Variants in ROBO2 observed in about 807,000 individuals in gnomAD.
The protein encoded by ROBO2 is roundabout homolog 2.
ROBO2 carries 53 observed loss-of-function variants against 160.8 expected under a neutral mutation model. The observed-to-expected ratio is 0.33, with a 90% CI of 0.26 to 0.41. ROBO2 has a LOEUF of 0.41. ROBO2 is among the 10% of genes least tolerant of loss of function. The pLI is 1.00. For synonymous variants in ROBO2, 664 were observed against 611.7 expected (o/e 1.09, Z -1.26); for missense variants, 1,577 against 1,722.4 (o/e 0.92, Z 1.49).
chr3:76,422,266 C>T (rs1041279322), intron 2 of ROBO2, among the ~76,000 whole-genome samples: 1 of 152,156 alleles, frequency 6.6e-6, no homozygotes, highest in Non-Finnish European at 1.5e-5. Flanking sequence ...TAGTCTCTCC[C>T]AAATGTATAA....
intron 2 of ROBO2, among the ~76,000 whole-genome samples, chr3:76,975,510 T>A (rs757934514): frequency 1.6e-4 from 25 of 152,120 alleles, no homozygotes; most frequent in Non-Finnish European, 2.5e-4. Context: ...GACTGTGTCT[T>A]AAGTAATTTA....
chr3:77,051,461 A>T (rs911875367), intron 1 of ROBO2, among the ~76,000 whole-genome samples: 5 of 152,168 alleles, frequency 3.3e-5, no homozygotes, highest in African/African-American at 9.7e-5. Context: ...GGGAATTCTT[A>T]TTACACTTTC....
intron 2 of ROBO2, among the ~76,000 whole-genome samples, chr3:76,707,259 A>G (rs2093183867): frequency 6.6e-6 from 1 of 152,076 alleles, no homozygotes; most frequent in Non-Finnish European, 1.5e-5. Context: ...TACAAAAATA[A>G]TGTGCACTGT....
intron 2 of ROBO2, among the ~76,000 whole-genome samples, chr3:76,404,967 T>C (rs895170645): frequency 1.3e-5 from 2 of 151,606 alleles, no homozygotes; most frequent in Admixed American, 6.6e-5. Flanking sequence ...TGACATAGAA[T>C]TAAAAATGGA....
At chr3:77,249,703 T>C (rs145665725) in intron 2 of ROBO2, among the ~76,000 whole-genome samples, 1 of 152,242 alleles carries the variant, frequency 6.6e-6, no homozygotes, top group East Asian at 1.9e-4. Flanking sequence ...ATTTGCTAAC[T>C]TAATTTACAT....
intron 2 of ROBO2, among the ~76,000 whole-genome samples, chr3:75,940,714 T>C (rs1948013698): frequency 6.6e-6 from 1 of 152,144 alleles, no homozygotes; most frequent in Admixed American, 6.6e-5. Context: ...TGGTAACTAT[T>C]ACAATATATA....
At chr3:76,297,706 T>TAAA (rs71277576) in intron 2 of ROBO2, among the ~76,000 whole-genome samples, 36 of 56,650 alleles carry the variant, frequency 6.4e-4, no homozygotes, top group South Asian at 1.6e-3. Context: ...CTGCTTTCCT[T>TAAA]AAAAAAAAAA....
intron 2 of ROBO2, among the ~76,000 whole-genome samples, chr3:76,587,997 T>G (rs2086163567): frequency 6.6e-6 from 1 of 152,102 alleles, no homozygotes; most frequent in African/African-American, 2.4e-5. Flanking sequence ...CTTCACAGAG[T>G]TGTTGGAATG....
chr3:76,502,993 T>C (rs1397144108), intron 2 of ROBO2, among the ~76,000 whole-genome samples: 1 of 137,826 alleles, frequency 7.3e-6, no homozygotes, highest in Non-Finnish European at 1.6e-5. Context: ...ACAGGATATA[T>C]ATATATATGT....
At chr3:77,363,439 T>C (rs1432590258) in intron 2 of ROBO2, among the ~76,000 whole-genome samples, 1 of 152,146 alleles carries the variant, frequency 6.6e-6, no homozygotes, top group Non-Finnish European at 1.5e-5. Flanking sequence ...TTTCAGGATT[T>C]GCAGGCCATA....
chr3:77,277,984 T>C (rs562658448), intron 2 of ROBO2, among the ~76,000 whole-genome samples: 1 of 152,174 alleles, frequency 6.6e-6, no homozygotes, highest in Non-Finnish European at 1.5e-5. Flanking sequence ...TTCTTAACTT[T>C]TTAATAATCA....
intron 2 of ROBO2, among the ~76,000 whole-genome samples, chr3:76,208,497 A>T (rs1702942699): frequency 6.6e-6 from 1 of 152,158 alleles, no homozygotes; most frequent in Admixed American, 6.6e-5. Context: ...CTGAGCAAGC[A>T]CCGTGTCTCT....
chr3:76,002,427 G>A (rs904190291), intron 2 of ROBO2, among the ~76,000 whole-genome samples: 9 of 152,200 alleles, frequency 5.9e-5, no homozygotes, highest in Admixed American at 1.3e-4. Context: ...TGTAGCTCCC[G>A]TAACTCCCAT....
At chr3:77,301,313 T>G (rs142145639) in intron 2 of ROBO2, among the ~76,000 whole-genome samples, 3 of 152,250 alleles carry the variant, frequency 2.0e-5, no homozygotes, top group South Asian at 2.1e-4. Flanking sequence ...TCAGAATAAT[T>G]ATTCTGGGGG....
intron 2 of ROBO2, among the ~76,000 whole-genome samples, chr3:77,252,493 G>A (rs2090449632): frequency 2.0e-5 from 3 of 152,174 alleles, no homozygotes; most frequent in South Asian, 2.1e-4. Flanking sequence ...ATTTGAAAGA[G>A]CATTTTATAT....
chr3:76,459,860 A>G (rs1464039249), intron 2 of ROBO2, among the ~76,000 whole-genome samples: 1 of 152,130 alleles, frequency 6.6e-6, no homozygotes, highest in African/African-American at 2.4e-5. Flanking sequence ...ACTTAAGTTC[A>G]GTTTCCTCAT....
chr3:76,784,397 T>G (rs1488171441), intron 2 of ROBO2, among the ~76,000 whole-genome samples: 4 of 151,128 alleles, frequency 2.6e-5, no homozygotes, highest in Non-Finnish European at 5.9e-5. Flanking sequence ...CTTTTGATCC[T>G]GCAAAGCCAG....
chr3:76,940,122 C>T (rs867756517), intron 2 of ROBO2, among the ~76,000 whole-genome samples: 1 of 152,034 alleles, frequency 6.6e-6, no homozygotes. Context: ...GCTGGGAATA[C>T]AGGCGCCCGC....
chr3:76,543,016 T>C (rs966054428), intron 2 of ROBO2, among the ~76,000 whole-genome samples: 2 of 152,204 alleles, frequency 1.3e-5, no homozygotes, highest in African/African-American at 4.8e-5. Context: ...TCTTTCCCTC[T>C]GAAACAATGA....
Sources: allele counts gnomAD v4.1 joint callset (sites outside exome capture counted in the v4.1 genomes callset), GRCh38; gene constraint gnomAD v4.1.1; transcripts MANE v1.5; gene names NCBI Gene and HGNC (gene_info 2026-07-23, HGNC 2026-07-21).